CPZ: variants seen among roughly 807,000 people sequenced by gnomAD.
The protein encoded by CPZ is VEZT/CPZ fusion.
In CPZ, 103 loss-of-function variants were observed where a neutral mutation model predicts 61.8. That is an observed-to-expected ratio of 1.67 (90% CI 1.42 to 1.96). The LOEUF (loss-of-function observed/expected upper bound fraction) is 1.96, where lower values mean the gene tolerates loss of function less well. Among genes scored for constraint, CPZ ranks in the 30% most tolerant of loss-of-function variants. The pLI is 0.00. For synonymous variants in CPZ, 551 were observed against 373.7 expected, an observed-to-expected ratio of 1.47 and a Z score of -5.47; for missense variants, 1,461 against 914.9, an observed-to-expected ratio of 1.60 and a Z score of -7.70.
chr4:8,599,623 C>A (rs968125738), intron 2 of CPZ, 138 bp downstream of exon 2: 4 of 1,482,460 alleles, frequency 2.7e-6, no homozygotes, highest in African/African-American at 1.4e-5. Context: ...AAACTAGAAC[C>A]CCCTCGTAAA....
chr4:8,606,434 C>T (rs1461054247), intron 5 of CPZ, among the ~76,000 whole-genome samples: 3 of 151,860 alleles, frequency 2.0e-5, no homozygotes, highest in African/African-American at 2.4e-5. Context: ...TCGATGGTGC[C>T]CGTGTGTGTC....
At chr4:8,615,325 A>G (rs1716071157) in intron 9 of CPZ, among the ~76,000 whole-genome samples, 1 of 152,154 alleles carries the variant, frequency 6.6e-6, no homozygotes, top group African/African-American at 2.4e-5. Flanking sequence ...CTCCCCTTCC[A>G]GCACAGCTCA....
chr4:8,609,184 G>GCATTCACTCCCTCCCTCATTCACTTACT lies in CPZ; in HGVS notation c.1227+1768_1227+1769insCCTCCCTCATTCACTTACTCATTCACTC, dbSNP rs1560298107. ...CTCATTCACTCACCCATTCACTCAG[G>GCATTCACTCCCTCCCTCATTCACTTACT]CATTCACTCACTCCCTCACTCACTT... is the stretch of plus-strand genomic sequence containing the variant. On this transcript the variant is annotated intron_variant, in intron 7 of 10. Coordinates refer to ENST00000360986, the MANE Select transcript of CPZ (RefSeq NM_001014447.3). Among the ~76,000 whole-genome samples the GCATTCACTCCCTCCCTCATTCACTTACT allele has an allele frequency of 1.1e-4, 12 of 109,324 alleles. No homozygotes were observed. In the Admixed American group the frequency reaches 1.2e-3, roughly 11 times the overall value. 71.7% of individuals were successfully genotyped at this position (109,324 alleles called of 152,430 possible).
intron 1 of CPZ, among the ~76,000 whole-genome samples, chr4:8,595,717 A>C (rs1441234659): frequency 6.6e-6 from 1 of 152,266 alleles, no homozygotes; most frequent in Non-Finnish European, 1.5e-5. Flanking sequence ...CTGATGATGT[A>C]ATCCCTGGCA....
chr4:8,596,695 G>C (rs1241923082), intron 1 of CPZ, among the ~76,000 whole-genome samples: 1 of 152,228 alleles, frequency 6.6e-6, no homozygotes, highest in Non-Finnish European at 1.5e-5. Context: ...CTGAGGCACG[G>C]GCAGTGGTTC....
intron 9 of CPZ, among the ~76,000 whole-genome samples, chr4:8,617,440 G>T (rs1716273428): frequency 6.6e-6 from 1 of 152,202 alleles, no homozygotes; most frequent in South Asian, 2.1e-4. Flanking sequence ...TGTGGGCCCA[G>T]GCTCTTTGCT....
intron 7 of CPZ, among the ~76,000 whole-genome samples, chr4:8,610,356 G>C (rs1079482): frequency 6.6e-6 from 1 of 152,014 alleles, no homozygotes; most frequent in Admixed American, 6.5e-5. Context: ...AGGGTTTTGG[G>C]GACTGGTGGT....
chr4:8,613,025 C>A (rs1281628120), intron 8 of CPZ, among the ~76,000 whole-genome samples: 1 of 152,218 alleles, frequency 6.6e-6, no homozygotes, highest in Admixed American at 6.5e-5. Flanking sequence ...CGCAGCCTCT[C>A]TCCCTTCCAG....
chr4:8,597,820 C>T (rs1236743801), intron 1 of CPZ, among the ~76,000 whole-genome samples: 1 of 152,248 alleles, frequency 6.6e-6, no homozygotes, highest in Non-Finnish European at 1.5e-5. Flanking sequence ...TAGGTCGTCT[C>T]ATCTCACAGT....
chr4:8,605,351 T>TTATGCATCCATCCATCCATCCATCC (rs1560293892), intron 4 of CPZ, among the ~76,000 whole-genome samples: 9 of 16,862 alleles, frequency 5.3e-4, no homozygotes, highest in African/African-American at 3.1e-3. Context: ...TCCATCCATT[T>TTATGCATCCATCCATCCATCCATCC]ATTCATTCAG....
chr4:8,600,118 G>A (rs1397433041), intron 2 of CPZ, among the ~76,000 whole-genome samples: 1 of 152,104 alleles, frequency 6.6e-6, no homozygotes, highest in Non-Finnish European at 1.5e-5. Flanking sequence ...TATGTAAAAT[G>A]TCTATTTTAT....
At chr4:8,614,738 A>C (rs10026527) in intron 9 of CPZ, among the ~76,000 whole-genome samples, 12,465 of 152,156 alleles carry the variant, frequency 0.082, 1,662 homozygotes, top group African/African-American at 0.28. Flanking sequence ...CCCTGTGAGC[A>C]AGGATGTTAC....
intron 7 of CPZ, among the ~76,000 whole-genome samples, chr4:8,611,795 G>A (rs535509432): frequency 1.3e-5 from 2 of 152,026 alleles, no homozygotes; most frequent in Admixed American, 6.5e-5. Flanking sequence ...TTACCCATGG[G>A]ACCTGGCCCC....
Position 8,607,441 on chromosome 4 carries a change from G to T in CPZ, c.1227+16G>T. 1 of 1,612,716 alleles carries T rather than the reference G, an allele frequency of 6.2e-7. No homozygotes were observed. Among genetic ancestry groups the T allele is most frequent in the Non-Finnish European group, 8.5e-7 (1 of 1,179,514 alleles). ...CGACGAGAAGGTGAGAGGGCTGTCG[G>T]GTGTGTGCAGGGGAGGGAGACAGTG... is the stretch of plus-strand genomic sequence containing the variant. On this transcript the variant is annotated intron_variant, in intron 7 of 10. Transcript: ENST00000360986.
chr4:8,606,937 C>T, intron 6 of CPZ, 39 bp downstream of exon 6: 1 of 1,549,696 alleles, frequency 6.5e-7, no homozygotes, highest in Non-Finnish European at 8.7e-7. Context: ...TCCACCAAGG[C>T]ATCCAGGGGT....
chr4:8,595,795 C>G (rs114011874), intron 1 of CPZ, among the ~76,000 whole-genome samples: 2 of 152,198 alleles, frequency 1.3e-5, no homozygotes, highest in African/African-American at 2.4e-5. Context: ...TGAGGCCTCA[C>G]GGGATTAGGG....
chr4:8,606,009 A>G lies in CPZ; in HGVS notation c.730A>G (p.Ile244Val), dbSNP rs994823305. The change falls in exon 5 of 11, where the codon ATC becomes GTC. Residue 244 changes from isoleucine (I) to valine (V), a missense_variant. By Grantham distance (29) the Ile-to-Val change is conservative. Coordinates refer to ENST00000360986, the MANE Select transcript of CPZ (RefSeq NM_001014447.3). ...HELMEPEVKL[I>V]GNIHGNEVAG... ...CCCAGTGGAGCCCGAGGTGAAGCTC[A>G]TCGGCAACATTCATGGCAACGAGGT... 1.2e-6 allele frequency: 2 copies of G among 1,613,696 alleles called. No homozygotes were observed. Among genetic ancestry groups the G allele is most frequent in the Non-Finnish European group, 1.7e-6 (2 of 1,179,702 alleles).
At position 8,619,668 on chromosome 4, in the gene CPZ, T is replaced by A. The variant is rs749026221; in HGVS notation, c.*51T>A. On this transcript the variant is annotated 3_prime_UTR_variant, in exon 11 of 11. Transcript: ENST00000360986. Reference sequence around the variant, plus strand: ...GTGGAGACCGAGGCCCATCTCCGCATCCCGGGCTCCTGGCTCTTGATTTTG... The same window carrying A: ...GTGGAGACCGAGGCCCATCTCCGCAACCCGGGCTCCTGGCTCTTGATTTTG... The A allele has an allele frequency of 3.7e-6, 5 of 1,335,476 alleles. No individual in the cohort carries two copies. The South Asian group carries it at 6.8e-5, about 18-fold the overall frequency. The allele number at this position is 1,335,476 out of a possible 1,614,324, so 82.7% of individuals were successfully genotyped here. A position where few individuals can be genotyped will look rare whatever the true frequency, so the allele number is the denominator to read the frequency against.
intron 7 of CPZ, among the ~76,000 whole-genome samples, chr4:8,609,593 G>A (rs1277042285): frequency 6.7e-6 from 1 of 148,284 alleles, no homozygotes; most frequent in Non-Finnish European, 1.5e-5. Flanking sequence ...GCTGGGCAGG[G>A]CAGGTGTCCC....
Sources: allele counts gnomAD v4.1 joint callset (sites outside exome capture counted in the v4.1 genomes callset), GRCh38; gene constraint gnomAD v4.1.1; transcripts MANE v1.5; gene names NCBI Gene and HGNC (gene_info 2026-07-23, HGNC 2026-07-21).